Variants in CENPO observed in about 807,000 individuals in gnomAD.
CENPO encodes centromere protein O.
In CENPO, 30 loss-of-function variants were observed where a neutral mutation model predicts 36.1. The observed-to-expected ratio is 0.83, with a 90% confidence interval of 0.62 to 1.13. The LOEUF (loss-of-function observed/expected upper bound fraction) is 1.13, where lower values mean the gene tolerates loss of function less well. CENPO is among the 50% of genes most tolerant of loss of function. The probability of loss-of-function intolerance (pLI) is 0.00; values close to 1 mark genes in which losing one functional copy is unlikely to be tolerated. For missense variants in CENPO, 349 were observed against 357.8 expected (o/e 0.98, Z 0.20); for synonymous variants, 171 against 142.3 (o/e 1.20, Z -1.44).
At position 24,819,827 on chromosome 2, in the gene CENPO, T is replaced by A; in HGVS notation, c.*509T>A. On this transcript the variant is annotated 3_prime_UTR_variant, in exon 8 of 8. Coordinates refer to ENST00000380834, the MANE Select transcript of CENPO (RefSeq NM_001322101.2). The stretch of plus-strand genomic sequence containing the variant: ...TGAAGGCTGAGGAGGTTTCTAAACC[T>A]AAAGTCCATGAGTGTGCACTTCAAT... 8.0e-7 allele frequency: 1 copy of A among 1,257,250 alleles called. No individual in the cohort carries two copies. The highest frequency in any genetic ancestry group is 1.1e-6 in the Non-Finnish European group (1 of 914,084). 77.9% of individuals were successfully genotyped at this position (1,257,250 alleles called of 1,614,324 possible). A position where few individuals can be genotyped will look rare whatever the true frequency, so the allele number is the denominator to read the frequency against.
Position 24,822,031 on chromosome 2 carries a change from A to C in CENPO, c.*2713A>C. On this transcript the variant is annotated 3_prime_UTR_variant, in exon 8 of 8. Coordinates refer to ENST00000380834, the MANE Select transcript of CENPO (RefSeq NM_001322101.2). ...GTGTTTCTTTAACCTCATCCATATA[A>C]TAGGGCCGTGGGATGGTTGTAGAGG... The C allele has an allele frequency of 4.7e-6, 1 of 210,872 alleles. No individual in the cohort carries two copies. Among genetic ancestry groups the C allele is most frequent in the Non-Finnish European group, 9.5e-6 (1 of 105,024 alleles). 13.1% of individuals were successfully genotyped at this position (210,872 alleles called of 1,614,324 possible).
chr2:24,820,433 G>A lies in CENPO; in HGVS notation c.*1115G>A. 7.6e-7 allele frequency: 1 copy of A among 1,322,486 alleles called. No individual in the cohort carries two copies. The highest frequency in any genetic ancestry group is 9.6e-7 in the Non-Finnish European group (1 of 1,038,826). The allele number at this position is 1,322,486 out of a possible 1,614,324, so 81.9% of individuals were successfully genotyped here. On this transcript the variant is annotated 3_prime_UTR_variant, in exon 8 of 8. Transcript: ENST00000380834. ...TCTGTCCCTTTGCCCCTTTCGTGGA[G>A]CTTTTCTGCCAGACGCCACTGAGAC...
intron 3 of CENPO, among the ~76,000 whole-genome samples, chr2:24,806,773 A>G (rs1219600325): frequency 6.6e-6 from 1 of 152,058 alleles, no homozygotes; most frequent in Non-Finnish European, 1.5e-5. Flanking sequence ...GTCATTTTTG[A>G]CATCTGTCAT....
chr2:24,811,786 C>T (rs913980581), intron 3 of CENPO, among the ~76,000 whole-genome samples: 2 of 151,886 alleles, frequency 1.3e-5, no homozygotes, highest in Admixed American at 6.6e-5. Context: ...TTAGTAGAGA[C>T]GGGGTTTCAC....
chr2:24,816,572 A>G, intron 5 of CENPO, 74 bp from the exon 6 acceptor site: 1 of 1,056,966 alleles, frequency 9.5e-7, no homozygotes, highest in South Asian at 2.0e-5. Flanking sequence ...GGTTGACGTA[A>G]TTGAAGGGTC....
At chr2:24,794,979 A>G (rs1429792779) in intron 2 of CENPO, among the ~76,000 whole-genome samples, 1 of 152,228 alleles carries the variant, frequency 6.6e-6, no homozygotes, top group African/African-American at 2.4e-5. Context: ...CAGAGAAGTA[A>G]CTATATTCAG....
intron 7 of CENPO, among the ~76,000 whole-genome samples, chr2:24,818,777 G>C (rs1667098658): frequency 6.6e-6 from 1 of 152,230 alleles, no homozygotes; most frequent in Admixed American, 6.5e-5. Context: ...TGGCACCTCT[G>C]GTTCCTTGGC....
rs1184684816 is a variant in CENPO at position 24,820,744 on chromosome 2, C to T, written c.*1426C>T. ...CATACCTGAATGTTGCCCATGACCCCCGTGGACTCCATCCTGCTGGCTACA... is the reference window on the plus strand; with the variant it reads ...CATACCTGAATGTTGCCCATGACCCTCGTGGACTCCATCCTGCTGGCTACA... On this transcript the variant is annotated 3_prime_UTR_variant, in exon 8 of 8. Coordinates refer to ENST00000380834, the MANE Select transcript of CENPO (RefSeq NM_001322101.2). 1 of 1,614,004 alleles carries T rather than the reference C, an allele frequency of 6.2e-7. No homozygotes were observed. The highest frequency in any genetic ancestry group is 2.2e-5 in the East Asian group (1 of 44,890).
chr2:24,807,270 CCTAGTCTTCTCTTAAGT>C (rs1480342512), intron 3 of CENPO, among the ~76,000 whole-genome samples: 2 of 151,822 alleles, frequency 1.3e-5, no homozygotes, highest in Non-Finnish European at 2.9e-5. Flanking sequence ...TTTGCCTCTT[CCTAGTCTTCTCTTAAGT>C]CTTCTCTTAA....
rs774751355 is a variant in CENPO, at chr2:24,814,404, C to A, written c.245C>A (p.Pro82His). 8.7e-6 allele frequency: 14 copies of A among 1,600,266 alleles called. No homozygotes were observed. In the East Asian group the frequency reaches 3.1e-4, roughly 36 times the overall value. ...SVKACIANVE[P>H]NQTVEINEQE... The stretch of plus-strand genomic sequence containing the variant: ...AAAGCATGTATTGCCAATGTAGAAC[C>A]CAACCAAACAGTGGAGATCAATGAG... The change falls in exon 4 of 8, where the codon CCC (proline) becomes CAC (histidine). Residue 82 changes from proline (P) to histidine (H), a missense_variant. Transcript: ENST00000380834.
intron 7 of CENPO, among the ~76,000 whole-genome samples, chr2:24,818,367 G>GAAGA (rs1667059953): frequency 6.6e-6 from 1 of 151,824 alleles, no homozygotes; most frequent in African/African-American, 2.4e-5. Flanking sequence ...AGATAATAAG[G>GAAGA]AAGACCCAAT....
chr2:24,820,322 CCT>C lies in CENPO; in HGVS notation c.*1008_*1009del. 1 of 1,316,476 alleles carries C rather than the reference CCT, an allele frequency of 7.6e-7. No homozygotes were observed. Among genetic ancestry groups the C allele is most frequent in the Non-Finnish European group, 9.7e-7 (1 of 1,032,646 alleles). The allele number at this position is 1,316,476 out of a possible 1,614,324, so 81.5% of individuals were successfully genotyped here. On this transcript the variant is annotated 3_prime_UTR_variant, in exon 8 of 8. Coordinates refer to ENST00000380834, the MANE Select transcript of CENPO (RefSeq NM_001322101.2). The stretch of plus-strand genomic sequence containing the variant: ...CCCTGGAGTGACTGGCTGGGGGCCT[CCT>C]CTCATCCAGAGACTTCTCTCCTAGG...
At chr2:24,802,540 G>A (rs1485637200) in intron 3 of CENPO, among the ~76,000 whole-genome samples, 9 of 152,242 alleles carry the variant, frequency 5.9e-5, no homozygotes, top group African/African-American at 9.6e-5. Context: ...AGCATGAAGC[G>A]TTGTTGAATT....
At chr2:24,795,677 T>A (rs1158760836) in intron 2 of CENPO, among the ~76,000 whole-genome samples, 2 of 152,196 alleles carry the variant, frequency 1.3e-5, no homozygotes, top group Non-Finnish European at 2.9e-5. Flanking sequence ...TAATATAGAA[T>A]TTCCATAAAG....
intron 4 of CENPO, 95 bp from the exon 5 acceptor site, chr2:24,815,402 C>T: frequency 1.1e-6 from 1 of 894,602 alleles, no homozygotes. Flanking sequence ...ACAAAGTGTA[C>T]ATATTCTAGG....
intron 3 of CENPO, among the ~76,000 whole-genome samples, chr2:24,801,677 T>C (rs1211531272): frequency 1.3e-5 from 2 of 152,330 alleles, no homozygotes; most frequent in South Asian, 2.1e-4. Context: ...TTCTGTTCCA[T>C]TGGTCTATAT....
chr2:24,805,674 G>C (rs201636623), intron 3 of CENPO, among the ~76,000 whole-genome samples: 64 of 152,184 alleles, frequency 4.2e-4, no homozygotes, highest in Non-Finnish European at 2.9e-4. Context: ...CTGCCTGATC[G>C]TTCCTCTGGA....
At chr2:24,793,754 C>A in intron 1 of CENPO, 98 bp from the exon 2 acceptor site, 1 of 1,036,964 alleles carries the variant, frequency 9.6e-7, no homozygotes, top group Non-Finnish European at 1.5e-6. Flanking sequence ...TTTGTGTCAT[C>A]CGCGGCCCAG....
chr2:24,820,432 A>C lies in CENPO; in HGVS notation c.*1114A>C. The C allele has an allele frequency of 1.5e-6, 2 of 1,321,272 alleles. No individual in the cohort carries two copies. The highest frequency in any genetic ancestry group is 1.9e-6 in the Non-Finnish European group (2 of 1,038,154). The allele number at this position is 1,321,272 out of a possible 1,614,324, so 81.8% of individuals were successfully genotyped here. ...TTCTGTCCCTTTGCCCCTTTCGTGG[A>C]GCTTTTCTGCCAGACGCCACTGAGA... On this transcript the variant is annotated 3_prime_UTR_variant, in exon 8 of 8. Coordinates refer to ENST00000380834, the MANE Select transcript of CENPO (RefSeq NM_001322101.2).
Sources: allele counts gnomAD v4.1 joint callset (sites outside exome capture counted in the v4.1 genomes callset), GRCh38; gene constraint gnomAD v4.1.1; transcripts MANE v1.5; gene names NCBI Gene and HGNC (gene_info 2026-07-23, HGNC 2026-07-21).